Variants in ITGBL1 observed in about 807,000 individuals in gnomAD.
The protein encoded by ITGBL1 is integrin subunit beta like 1, also known as integrin beta-like protein 1.
A neutral mutation model predicts 68.5 loss-of-function variants in ITGBL1; 51 were observed. The observed-to-expected ratio is 0.74, with a 90% CI of 0.59 to 0.94. ITGBL1 has a LOEUF of 0.94. ITGBL1 is among the 40% of genes least tolerant of loss of function. ITGBL1 has a pLI of 0.00. For missense variants in ITGBL1, 649 were observed against 647.4 expected (o/e 1.00, Z -0.03); for synonymous variants, 209 against 227.3 (o/e 0.92, Z 0.72).
At chr13:101,626,675 G>T (rs575173523) in intron 7 of ITGBL1, among the ~76,000 whole-genome samples, 1 of 152,198 alleles carries the variant, frequency 6.6e-6, no homozygotes, top group East Asian at 1.9e-4. Context: ...TTAAAATCCA[G>T]CTGCACACAT....
At chr13:101,604,901 C>CACACAT (rs1566753055) in intron 7 of ITGBL1, among the ~76,000 whole-genome samples, 2 of 90,752 alleles carry the variant, frequency 2.2e-5, no homozygotes, top group Non-Finnish European at 4.8e-5. Flanking sequence ...CACACACACA[C>CACACAT]ATATATATGT....
intron 6 of ITGBL1, among the ~76,000 whole-genome samples, chr13:101,587,605 A>G (rs888325228): frequency 1.3e-5 from 2 of 152,230 alleles, no homozygotes; most frequent in Non-Finnish European, 2.9e-5. Context: ...ATACGCTGCA[A>G]TGTGACCTTA....
At chr13:101,603,302 G>A (rs4544108) in intron 7 of ITGBL1, among the ~76,000 whole-genome samples, 3 of 151,918 alleles carry the variant, frequency 2.0e-5, no homozygotes, top group Admixed American at 6.6e-5. Flanking sequence ...AAGTGTCTCA[G>A]GTTGTTTGCA....
At chr13:101,666,066 T>A (rs914345831) in intron 7 of ITGBL1, among the ~76,000 whole-genome samples, 13 of 152,154 alleles carry the variant, frequency 8.5e-5, no homozygotes, top group Non-Finnish European at 2.9e-5. Flanking sequence ...TAGTTTACTA[T>A]GCTATGTTAT....
At chr13:101,570,808 G>A (rs1204981199) in intron 3 of ITGBL1, among the ~76,000 whole-genome samples, 1 of 152,124 alleles carries the variant, frequency 6.6e-6, no homozygotes, top group Non-Finnish European at 1.5e-5. Flanking sequence ...CTTAAGTTCT[G>A]TTCTTCTTTA....
chr13:101,659,155 G>T (rs1053826009), intron 7 of ITGBL1, among the ~76,000 whole-genome samples: 1 of 141,146 alleles, frequency 7.1e-6, no homozygotes, highest in Admixed American at 7.7e-5. Flanking sequence ...TGCCTCCCAT[G>T]TTCAAGGGAT....
chr13:101,512,548 G>T (rs1004384868), intron 2 of ITGBL1, among the ~76,000 whole-genome samples: 2 of 152,172 alleles, frequency 1.3e-5, no homozygotes, highest in Non-Finnish European at 2.9e-5. Flanking sequence ...ATTGGATACA[G>T]ATTGTATTTA....
chr13:101,645,461 G>A (rs2032527731), intron 7 of ITGBL1, among the ~76,000 whole-genome samples: 1 of 151,816 alleles, frequency 6.6e-6, no homozygotes, highest in African/African-American at 2.4e-5. Flanking sequence ...ATGAGCCTGG[G>A]AATAGAGCTT....
At chr13:101,555,082 T>C (rs974612408) in intron 2 of ITGBL1, among the ~76,000 whole-genome samples, 5 of 152,314 alleles carry the variant, frequency 3.3e-5, no homozygotes, top group Admixed American at 3.3e-4. Flanking sequence ...TTTCCTTTTT[T>C]AAATTTTTGA....
chr13:101,595,588 G>T (rs2029913939), intron 6 of ITGBL1, among the ~76,000 whole-genome samples: 1 of 151,910 alleles, frequency 6.6e-6, no homozygotes, highest in African/African-American at 2.4e-5. Flanking sequence ...ATGGCCAGTG[G>T]GTATATGAAA....
intron 2 of ITGBL1, among the ~76,000 whole-genome samples, chr13:101,554,420 C>G (rs2049972416): frequency 6.6e-6 from 1 of 152,220 alleles, no homozygotes; most frequent in African/African-American, 2.4e-5. Flanking sequence ...TCTCATTTCT[C>G]TAGCTGCTGT....
chr13:101,551,540 G>A (rs972987369), intron 2 of ITGBL1, among the ~76,000 whole-genome samples: 2 of 152,138 alleles, frequency 1.3e-5, no homozygotes, highest in Non-Finnish European at 2.9e-5. Context: ...AGGAAGGGAG[G>A]GGATTTCTGT....
intron 2 of ITGBL1, among the ~76,000 whole-genome samples, chr13:101,473,778 A>G (rs1036133161): frequency 1.3e-5 from 2 of 152,114 alleles, no homozygotes; most frequent in African/African-American, 4.8e-5. Flanking sequence ...CAACTTGCAT[A>G]CCAGCTCAGC....
At chr13:101,714,041 T>G (rs2034600667) in intron 9 of ITGBL1, 1 of 161,724 alleles carries the variant, frequency 6.2e-6, no homozygotes. Context: ...GCAACCTAAT[T>G]TAATACAATT....
At chr13:101,603,282 A>C (rs1273770846) in intron 7 of ITGBL1, among the ~76,000 whole-genome samples, 2 of 152,006 alleles carry the variant, frequency 1.3e-5, no homozygotes, top group Non-Finnish European at 2.9e-5. Context: ...TTTATAAAGA[A>C]AACTCCAGAA....
chr13:101,511,352 A>G (rs989632195), intron 2 of ITGBL1, among the ~76,000 whole-genome samples: 3 of 152,120 alleles, frequency 2.0e-5, no homozygotes, highest in Admixed American at 6.6e-5. Flanking sequence ...GGAACCTTCT[A>G]TGAGTCATGA....
intron 7 of ITGBL1, among the ~76,000 whole-genome samples, chr13:101,621,343 T>C (rs2031573946): frequency 6.6e-6 from 1 of 152,112 alleles, no homozygotes; most frequent in Admixed American, 6.6e-5. Flanking sequence ...GCCTCAGTGT[T>C]TCTATTTCTG....
chr13:101,557,065 G>A (rs1342919125), intron 2 of ITGBL1, among the ~76,000 whole-genome samples: 1 of 152,206 alleles, frequency 6.6e-6, no homozygotes, highest in African/African-American at 2.4e-5. Context: ...TCAGGGGACA[G>A]ACAGAGCGGT....
intron 2 of ITGBL1, among the ~76,000 whole-genome samples, chr13:101,493,362 T>C (rs868866523): frequency 2.0e-5 from 3 of 152,118 alleles, no homozygotes; most frequent in South Asian, 2.1e-4. Flanking sequence ...AAAAAAGCTA[T>C]TTCGATTACA....
Sources: allele counts gnomAD v4.1 joint callset (sites outside exome capture counted in the v4.1 genomes callset), GRCh38; gene constraint gnomAD v4.1.1; transcripts MANE v1.5; gene names NCBI Gene and HGNC (gene_info 2026-07-23, HGNC 2026-07-21).